The following MPHOSPH9 variants were observed in gnomAD, a reference collection of about 807,000 sequenced individuals.
The protein encoded by MPHOSPH9 is M-phase phosphoprotein 9.
Under a neutral mutation model 145.5 loss-of-function variants are expected in MPHOSPH9, and 88 were observed. The observed-to-expected ratio is 0.60, with a 90% CI of 0.51 to 0.72. MPHOSPH9 has a LOEUF of 0.72. MPHOSPH9 is among the 30% of genes least tolerant of loss of function. MPHOSPH9 has a pLI of 0.00. For synonymous variants in MPHOSPH9, 435 were observed against 486.2 expected, an observed-to-expected ratio of 0.89 and a Z score of 1.39; for missense variants, 1,238 against 1,386.6, an observed-to-expected ratio of 0.89 and a Z score of 1.70.
intron 8 of MPHOSPH9, among the ~76,000 whole-genome samples, chr12:123,209,456 G>A (rs535356992): frequency 4.6e-5 from 7 of 151,930 alleles, no homozygotes; most frequent in South Asian, 2.1e-4. Context: ...GCCCAAGCTG[G>A]AGTGCAATGG....
intron 13 of MPHOSPH9, among the ~76,000 whole-genome samples, chr12:123,190,858 C>A (rs1032422251): frequency 6.6e-5 from 10 of 152,156 alleles, no homozygotes; most frequent in Middle Eastern, 3.2e-3. Context: ...TGTTATATTA[C>A]TCTCTATACT....
intron 1 of MPHOSPH9, among the ~76,000 whole-genome samples, chr12:123,241,786 G>C (rs912086900): frequency 6.6e-6 from 1 of 152,232 alleles, no homozygotes; most frequent in Non-Finnish European, 1.5e-5. Context: ...CCTTGTTGCA[G>C]AGTTGAACAT....
chr12:123,195,730 T>A (rs2045917925), intron 12 of MPHOSPH9, among the ~76,000 whole-genome samples: 1 of 151,942 alleles, frequency 6.6e-6, no homozygotes, highest in Admixed American at 6.6e-5. Flanking sequence ...TAGTCCCGAA[T>A]GTCATGAAGC....
At position 123,202,817 on chromosome 12, in the gene MPHOSPH9, T is replaced by G; in HGVS notation, c.1588A>C (p.Ser530Arg). 6.2e-7 allele frequency: 1 copy of G among 1,614,202 alleles called. No homozygotes were observed. The highest frequency in any genetic ancestry group is 8.5e-7 in the Non-Finnish European group (1 of 1,180,046). The change falls in exon 10 of 24, where the codon AGT (serine) becomes CGT (arginine). Residue 530 changes from serine to arginine, a missense_variant. Ser to Arg is a moderately radical substitution (Grantham distance 110). Coordinates refer to ENST00000606320, the MANE Select transcript of MPHOSPH9 (RefSeq NM_022782.4). ...SWKNQTFQNE[S>R]RTSSTFPSVY... Reference sequence around the variant, plus strand: ...GACGGAAACGTGGAACTGGTCCTACTTTCGTTTTGGAATGTCTGATTTTTC... The same window carrying G: ...GACGGAAACGTGGAACTGGTCCTACGTTCGTTTTGGAATGTCTGATTTTTC...
intron 15 of MPHOSPH9, 102 bp downstream of exon 15, chr12:123,179,824 G>T (rs982109163): frequency 1.2e-5 from 7 of 583,558 alleles, no homozygotes; most frequent in Non-Finnish European, 2.0e-5. Context: ...TTCTCAAACT[G>T]CTTAAAAATC....
intron 11 of MPHOSPH9, among the ~76,000 whole-genome samples, chr12:123,198,677 G>C (rs541941774): frequency 6.6e-6 from 1 of 151,870 alleles, no homozygotes; most frequent in African/African-American, 2.4e-5. Context: ...GGGCATGGTG[G>C]CATGTGCCTG....
In MPHOSPH9 at chr12:123,202,176, ATTTGATTGG is replaced by A. The variant is rs1197450572; in HGVS notation, c.1916_1924del (p.Thr639_Gln641del). On this transcript the variant is annotated inframe_deletion, in exon 11 of 24. Transcript: ENST00000606320. The stretch of plus-strand genomic sequence containing the variant: ...TTATAAATTTTACCTGTCTACAAGA[ATTTGATTGG>A]TTATCTTCCAATCTTCAACTCCAGA... 2 of 1,608,098 alleles carry A rather than the reference ATTTGATTGG, an allele frequency of 1.2e-6. No individual in the cohort carries two copies. The highest frequency in any genetic ancestry group is 3.4e-5 in the Admixed American group (2 of 58,396).
chr12:123,215,561 T>C (rs1232433105), intron 6 of MPHOSPH9, among the ~76,000 whole-genome samples: 1 of 152,148 alleles, frequency 6.6e-6, no homozygotes, highest in Non-Finnish European at 1.5e-5. Flanking sequence ...CTAAAAACCA[T>C]AAATCAATAA....
intron 23 of MPHOSPH9, among the ~76,000 whole-genome samples, chr12:123,157,899 A>C (rs2043936735): frequency 6.6e-6 from 1 of 152,198 alleles, no homozygotes; most frequent in African/African-American, 2.4e-5. Context: ...TAGAAAATTT[A>C]GAAGACAAAT....
chr12:123,212,766 C>CTTTTTTTT (rs769159602), intron 7 of MPHOSPH9, among the ~76,000 whole-genome samples: 16 of 93,866 alleles, frequency 1.7e-4, no homozygotes, highest in East Asian at 8.6e-4. Flanking sequence ...CAATGGTCGA[C>CTTTTTTTT]TTTTTTTTTT....
chr12:123,173,157 T>C, intron 16 of MPHOSPH9, among the ~76,000 whole-genome samples: 1 of 152,146 alleles, frequency 6.6e-6, no homozygotes, highest in South Asian at 2.1e-4. Flanking sequence ...ATTAAAGGCG[T>C]GAGCCACCAC....
chr12:123,158,539 T>C (rs986851707), intron 23 of MPHOSPH9, among the ~76,000 whole-genome samples: 4 of 152,286 alleles, frequency 2.6e-5, no homozygotes, highest in East Asian at 1.9e-4. Flanking sequence ...CAGTGAGCTA[T>C]GATTGTGCCA....
chr12:123,163,758 C>CATTTGT, intron 19 of MPHOSPH9, 192 bp downstream of exon 19: 1 of 505,306 alleles, frequency 2.0e-6, no homozygotes, highest in Non-Finnish European at 3.4e-6. Flanking sequence ...TCTTCATTTA[C>CATTTGT]ATTTGTAGTA....
rs545753928 is a variant in MPHOSPH9, at chr12:123,221,519, C to T, written c.725G>A (p.Gly242Asp). 3.7e-6 allele frequency: 6 copies of T among 1,614,218 alleles called. No individual in the cohort carries two copies. The South Asian group carries it at 4.4e-5, about 12-fold the overall frequency. The change falls in exon 5 of 24, where the codon GGT becomes GAT. Residue 242 changes from glycine (G) to aspartate (D), a missense_variant. Physicochemically the swap from Gly to Asp is moderately conservative, Grantham distance 94 (BLOSUM62 -1). This residue lies in a region of MPHOSPH9 where 837 missense variants were observed against 897.5 expected (regional missense o/e 0.93). Transcript: ENST00000606320. ...TATATAAAAATTCTCATTTTTCACA[C>T]CATCTACAAGTGACTCAGCCGGCAC... ...PAVPAESLVDGVKNENFYIQT... is the reference protein window; with the variant it reads ...PAVPAESLVDDVKNENFYIQT...
At chr12:123,236,510 C>A (rs1036267578), upstream of MPHOSPH9, among the ~76,000 whole-genome samples, 35 of 151,572 alleles carry the variant, frequency 2.3e-4, no homozygotes, top group African/African-American at 8.2e-4. Flanking sequence ...AAGAAGCTTG[C>A]TTGAGCCCAG....
intron 6 of MPHOSPH9, among the ~76,000 whole-genome samples, chr12:123,218,160 A>C (rs1451370916): frequency 6.6e-6 from 1 of 152,028 alleles, no homozygotes; most frequent in Non-Finnish European, 1.5e-5. Context: ...TGAACCTGGG[A>C]GGCAGAAGTT....
chr12:123,183,567 A>G (rs1359555605), intron 13 of MPHOSPH9, among the ~76,000 whole-genome samples: 1 of 150,598 alleles, frequency 6.6e-6, no homozygotes, highest in Non-Finnish European at 1.5e-5. Flanking sequence ...AAAAAAAAAA[A>G]AAAGAAAAAG....
At chr12:123,215,920 T>C (rs2046933514) in intron 6 of MPHOSPH9, among the ~76,000 whole-genome samples, 1 of 152,174 alleles carries the variant, frequency 6.6e-6, no homozygotes, top group African/African-American at 2.4e-5. Context: ...AAATTCCACC[T>C]GTTTCAATTT....
chr12:123,193,088 A>ATAT (rs1373865605), intron 13 of MPHOSPH9, among the ~76,000 whole-genome samples: 5 of 72,016 alleles, frequency 6.9e-5, no homozygotes, highest in African/African-American at 2.0e-4. Flanking sequence ...AAAAAAAAAA[A>ATAT]AAAAAAAAAT....
Sources: gnomAD v4.1 joint callset for allele counts (sites outside exome capture counted in the v4.1 genomes callset) on GRCh38, gnomAD v4.1.1 for gene constraint, gnomAD v4.1.1 regional missense constraint, MANE v1.5 for transcripts, NCBI Gene and HGNC (gene_info 2026-07-23, HGNC 2026-07-21) for gene names.